Variants in DPYD observed in about 807,000 individuals in gnomAD.
DPYD encodes the protein dihydropyrimidine dehydrogenase [NADP(+)].
DPYD carries 109 observed loss-of-function variants against 116.2 expected under a neutral mutation model. That is an observed-to-expected ratio of 0.94 (90% CI 0.80 to 1.10). DPYD has a LOEUF of 1.10. Among genes scored for constraint, DPYD ranks in the 50% least tolerant of loss-of-function variants. The probability of loss-of-function intolerance (pLI) is 0.00; values close to 1 mark genes in which losing one functional copy is unlikely to be tolerated. For synonymous variants in DPYD, 440 were observed against 432.0 expected (o/e 1.02, Z -0.23); for missense variants, 1,302 against 1,254.5 (o/e 1.04, Z -0.57).
chr1:97,250,139 G>A (rs1255182110), intron 18 of DPYD, among the ~76,000 whole-genome samples: 1 of 151,992 alleles, frequency 6.6e-6, no homozygotes, highest in Non-Finnish European at 1.5e-5. Flanking sequence ...GTGTGGTGGT[G>A]TGTGCCTGTA....
intron 4 of DPYD, among the ~76,000 whole-genome samples, chr1:97,735,182 AC>A (rs1663852845): frequency 6.6e-6 from 1 of 152,246 alleles, no homozygotes; most frequent in Non-Finnish European, 1.5e-5. Context: ...TGCATGCTTC[AC>A]AGTTCTCAGA....
intron 18 of DPYD, among the ~76,000 whole-genome samples, chr1:97,283,367 GTTA>G (rs879495367): frequency 1.8e-4 from 28 of 151,966 alleles, no homozygotes; most frequent in Non-Finnish European, 3.4e-4. Context: ...CATTGTCTTA[GTTA>G]TTATAATTTT....
chr1:97,376,941 C>T (rs1671670242), intron 15 of DPYD, among the ~76,000 whole-genome samples: 1 of 145,920 alleles, frequency 6.9e-6, no homozygotes, highest in African/African-American at 2.5e-5. Context: ...TTGAATCCCA[C>T]TTTTACTCCA....
intron 2 of DPYD, among the ~76,000 whole-genome samples, chr1:97,881,731 G>A (rs1200633244): frequency 1.3e-5 from 2 of 151,806 alleles, no homozygotes; most frequent in African/African-American, 2.4e-5. Context: ...TTATAAATGC[G>A]AGACATTAGG....
intron 16 of DPYD, among the ~76,000 whole-genome samples, chr1:97,341,372 A>G (rs1558041915): frequency 6.6e-6 from 1 of 152,148 alleles, no homozygotes; most frequent in African/African-American, 2.4e-5. Context: ...TTAGATTGAT[A>G]TTTCTATGCA....
chr1:97,417,000 C>A (rs1674324120), intron 14 of DPYD, among the ~76,000 whole-genome samples: 1 of 152,146 alleles, frequency 6.6e-6, no homozygotes. Flanking sequence ...ATTTCCCCTG[C>A]TTGCTAGCTG....
At chr1:97,632,128 A>G (rs926933060) in intron 8 of DPYD, among the ~76,000 whole-genome samples, 4 of 152,112 alleles carry the variant, frequency 2.6e-5, no homozygotes, top group African/African-American at 9.6e-5. Context: ...GCAGGTTTTC[A>G]TAAGGAAGCT....
chr1:97,745,878 C>T (rs146442448), intron 3 of DPYD, among the ~76,000 whole-genome samples: 1 of 152,112 alleles, frequency 6.6e-6, no homozygotes, highest in Non-Finnish European at 1.5e-5. Context: ...TCTAGTGACC[C>T]CATCTCTTGA....
chr1:97,220,588 A>C (rs1012937253), intron 19 of DPYD, among the ~76,000 whole-genome samples: 8 of 152,168 alleles, frequency 5.3e-5, no homozygotes, highest in Non-Finnish European at 1.2e-4. Context: ...AGTGGGGCTC[A>C]TTCAGTGATA....
chr1:97,489,130 A>G (rs1376581256), intron 13 of DPYD, among the ~76,000 whole-genome samples: 1 of 152,210 alleles, frequency 6.6e-6, no homozygotes, highest in African/African-American at 2.4e-5. Context: ...GACAACCCAT[A>G]GCTTTGTTAA....
At chr1:97,615,259 T>C (rs1656194465) in intron 8 of DPYD, among the ~76,000 whole-genome samples, 2 of 152,134 alleles carry the variant, frequency 1.3e-5, no homozygotes, top group Non-Finnish European at 2.9e-5. Context: ...ATTCTTCATT[T>C]TCTTCTCCAA....
rs114133006 is a variant in DPYD at position 97,520,103 on chromosome 1, T to A, written c.1525-4162A>T. Among the ~76,000 whole-genome samples the A allele has an allele frequency of 1.0e-2, 1,516 of 152,300 alleles. 26 individuals are homozygous for A. The highest frequency in any genetic ancestry group is 0.034 in the African/African-American group (1,421 of 41,546). The stretch of plus-strand genomic sequence containing the variant: ...TATAACATAGTGCCAATATACCTGT[T>A]AGACTCAGTTATTAATGTTCATATA... On this transcript the variant is annotated intron_variant, in intron 12 of 22. Coordinates refer to ENST00000370192, the MANE Select transcript of DPYD (RefSeq NM_000110.4).
At chr1:97,724,689 C>T (rs1402271169) in intron 4 of DPYD, among the ~76,000 whole-genome samples, 1 of 151,544 alleles carries the variant, frequency 6.6e-6, no homozygotes, top group Non-Finnish European at 1.5e-5. Context: ...ACTAACCTTA[C>T]TGATTTAAAT....
chr1:97,203,183 A>G (rs1266100698), intron 19 of DPYD, among the ~76,000 whole-genome samples: 2 of 152,128 alleles, frequency 1.3e-5, no homozygotes, highest in African/African-American at 4.8e-5. Flanking sequence ...ATTACTCTGC[A>G]GTAACACAGG....
intron 2 of DPYD, among the ~76,000 whole-genome samples, chr1:97,862,746 C>T (rs1230303419): frequency 6.6e-6 from 1 of 151,766 alleles, no homozygotes; most frequent in Non-Finnish European, 1.5e-5. Flanking sequence ...ACTTTACTCT[C>T]AATAAACATT....
intron 13 of DPYD, among the ~76,000 whole-genome samples, chr1:97,474,057 C>T (rs1479184118): frequency 6.9e-6 from 1 of 144,746 alleles, no homozygotes; most frequent in East Asian, 2.0e-4. Context: ...AAAGAAAACA[C>T]AGTATAAAAG....
At chr1:97,660,537 C>A (rs1659193332) in intron 8 of DPYD, among the ~76,000 whole-genome samples, 2 of 152,060 alleles carry the variant, frequency 1.3e-5, no homozygotes, top group African/African-American at 4.8e-5. Flanking sequence ...GTATATACTT[C>A]TCTACTATGT....
intron 16 of DPYD, among the ~76,000 whole-genome samples, chr1:97,308,046 A>G (rs1378414167): frequency 1.3e-5 from 2 of 151,832 alleles, no homozygotes; most frequent in Non-Finnish European, 2.9e-5. Flanking sequence ...TTTGGTTCCA[A>G]TAGAGTAAAC....
Position 97,169,892 on chromosome 1 carries a change from A to T in DPYD, c.2622+23177T>A, listed in dbSNP as rs567764551. On this transcript the variant is annotated intron_variant, in intron 20 of 22. Coordinates refer to ENST00000370192, the MANE Select transcript of DPYD (RefSeq NM_000110.4). Reference sequence around the variant, plus strand: ...CTTGGAGCTCTCCATCTCCACCTGCATCCCTTCTACTGCCTCATCTCACTT... The same window carrying T: ...CTTGGAGCTCTCCATCTCCACCTGCTTCCCTTCTACTGCCTCATCTCACTT... 6.6e-5 allele frequency among the ~76,000 whole-genome samples: 10 copies of T among 152,270 alleles called. 1 individual carries two copies. The South Asian group carries it at 1.0e-3, about 16-fold the overall frequency.
Sources: allele counts gnomAD v4.1 joint callset (sites outside exome capture counted in the v4.1 genomes callset), GRCh38; gene constraint gnomAD v4.1.1; transcripts MANE v1.5; gene names NCBI Gene and HGNC (gene_info 2026-07-23, HGNC 2026-07-21).